The following DNAH7 variants were observed in gnomAD, a reference collection of about 807,000 sequenced individuals.
DNAH7 encodes the protein dynein axonemal heavy chain 7.
Under a neutral mutation model 444.6 loss-of-function variants are expected in DNAH7, and 397 were observed. The ratio of observed to expected loss-of-function variants is 0.89; its 90% CI spans 0.82 to 0.97. The LOEUF is 0.97. Among genes scored for constraint, DNAH7 ranks in the 50% least tolerant of loss-of-function variants. DNAH7 has a pLI of 0.00. For synonymous variants in DNAH7, 1,636 were observed against 1,624.4 expected, an observed-to-expected ratio of 1.01 and a Z score of -0.17; for missense variants, 4,902 against 4,800.8, an observed-to-expected ratio of 1.02 and a Z score of -0.62.
chr2:195,740,073 T>C (rs1574340059), intron 64 of DNAH7, among the ~76,000 whole-genome samples: 1 of 152,272 alleles, frequency 6.6e-6, no homozygotes, highest in African/African-American at 2.4e-5. Context: ...AACCTCCACC[T>C]CCCAGGTTCA....
chr2:195,909,227 T>A (rs2125300960), intron 25 of DNAH7, among the ~76,000 whole-genome samples: 1 of 152,204 alleles, frequency 6.6e-6, no homozygotes, highest in African/African-American at 2.4e-5. Flanking sequence ...CCTGTACCCC[T>A]GGAACCTAAA....
chr2:195,808,821 G>C lies in DNAH7; in HGVS notation c.9944C>G (p.Pro3315Arg), dbSNP rs762635267. 5 of 1,613,942 alleles carry C rather than the reference G, an allele frequency of 3.1e-6. No homozygotes were observed. ...AAGCCATGTACAAAGGTTGGCATAAGGATTATCCAGTCCAATGCCACCAGT... is the reference window on the plus strand; with the variant it reads ...AAGCCATGTACAAAGGTTGGCATAACGATTATCCAGTCCAATGCCACCAGT... Reference protein sequence around the residue: ...LLTGGIGLDNPYANLCTWLPQ... With the variant: ...LLTGGIGLDNRYANLCTWLPQ... Residue 3315 changes from proline to arginine, a missense_variant, in exon 53 of 65, where the codon CCT becomes CGT. Physicochemically the swap from Pro to Arg is moderately radical, Grantham distance 103. Transcript: ENST00000312428.
chr2:195,836,229 T>C (rs1457701166), intron 47 of DNAH7, among the ~76,000 whole-genome samples: 1 of 152,168 alleles, frequency 6.6e-6, no homozygotes, highest in African/African-American at 2.4e-5. Context: ...AAAGGACCTA[T>C]GTTCAGGGCC....
At chr2:195,939,077 A>C (rs1689248878) in intron 19 of DNAH7, among the ~76,000 whole-genome samples, 3 of 152,110 alleles carry the variant, frequency 2.0e-5, no homozygotes, top group African/African-American at 7.2e-5. Flanking sequence ...GCCCTCTCTC[A>C]AAATCGGTAT....
chr2:195,856,519 T>C (rs1437364035), intron 44 of DNAH7, among the ~76,000 whole-genome samples: 1 of 152,182 alleles, frequency 6.6e-6, no homozygotes, highest in Admixed American at 6.5e-5. Flanking sequence ...AAATTAATCA[T>C]TAACTAATAT....
At chr2:196,004,541 G>C (rs1694241748) in intron 10 of DNAH7, among the ~76,000 whole-genome samples, 1 of 152,106 alleles carries the variant, frequency 6.6e-6, no homozygotes, top group Non-Finnish European at 1.5e-5. Flanking sequence ...GAAATCATAA[G>C]GGAAATTAGA....
At chr2:195,974,026 G>A (rs2125583726) in intron 15 of DNAH7, among the ~76,000 whole-genome samples, 1 of 152,206 alleles carries the variant, frequency 6.6e-6, no homozygotes, top group East Asian at 1.9e-4. Flanking sequence ...GCACTGAGCT[G>A]AGATCACATC....
chr2:195,747,223 C>G (rs1359635006), intron 63 of DNAH7, among the ~76,000 whole-genome samples: 1 of 152,302 alleles, frequency 6.6e-6, no homozygotes, highest in East Asian at 1.9e-4. Flanking sequence ...ACAAACACCT[C>G]TACGCAAATA....
rs141330107 is a variant in DNAH7, at chr2:195,948,244, C to T, written c.3078+9017G>A. ...AATTTTCTCCCATTCTGTAGACTGC[C>T]TGTTTACTCTGATGATAGTTTATTT... On this transcript the variant is annotated intron_variant, in intron 19 of 64. Coordinates refer to ENST00000312428, the MANE Select transcript of DNAH7 (RefSeq NM_018897.3). Among the ~76,000 whole-genome samples, 66 of 152,218 alleles carry T rather than the reference C, an allele frequency of 4.3e-4. 1 individual carries two copies. The East Asian group carries it at 0.013, about 29-fold the overall frequency.
At chr2:195,924,684 C>T (rs766432098) in intron 22 of DNAH7, among the ~76,000 whole-genome samples, 21 of 6,498 alleles carry the variant, frequency 3.2e-3, no homozygotes, top group Non-Finnish European at 4.3e-3. Context: ...TGTTTAGATC[C>T]TATGAGTCCC....
At chr2:195,758,591 G>A (rs1385680321) in intron 61 of DNAH7, among the ~76,000 whole-genome samples, 1 of 152,302 alleles carries the variant, frequency 6.6e-6, no homozygotes, top group Non-Finnish European at 1.5e-5. Flanking sequence ...AAAATCAGGT[G>A]AATGACCACA....
At chr2:195,971,037 T>G (rs912308871) in intron 16 of DNAH7, among the ~76,000 whole-genome samples, 2 of 152,214 alleles carry the variant, frequency 1.3e-5, no homozygotes, top group African/African-American at 4.8e-5. Context: ...CTACTCATGA[T>G]GTTTTCTGCA....
intron 3 of DNAH7, among the ~76,000 whole-genome samples, chr2:196,048,904 TAGGTTCCTGGCACTC>T (rs1251607697): frequency 1.3e-5 from 2 of 152,138 alleles, no homozygotes; most frequent in Non-Finnish European, 2.9e-5. Context: ...CTAATGATGA[TAGGTTCCTGGCACTC>T]AGGCTCCATG....
At chr2:196,002,197 T>C (rs1431515178) in intron 10 of DNAH7, among the ~76,000 whole-genome samples, 1 of 152,210 alleles carries the variant, frequency 6.6e-6, no homozygotes, top group Non-Finnish European at 1.5e-5. Flanking sequence ...AAATATTATC[T>C]AGGGAATATA....
chr2:195,804,638 G>A (rs1696623722), intron 54 of DNAH7, among the ~76,000 whole-genome samples: 1 of 152,190 alleles, frequency 6.6e-6, no homozygotes, highest in African/African-American at 2.4e-5. Context: ...TGCTTAAATA[G>A]CAGCAATATG....
intron 58 of DNAH7, among the ~76,000 whole-genome samples, chr2:195,785,723 T>A (rs1180639451): frequency 6.6e-6 from 1 of 152,144 alleles, no homozygotes; most frequent in Non-Finnish European, 1.5e-5. Flanking sequence ...ATTTGTAATG[T>A]TAAACCAGTC....
chr2:195,842,247 T>A (rs978383259), intron 47 of DNAH7, among the ~76,000 whole-genome samples: 1 of 152,102 alleles, frequency 6.6e-6, no homozygotes, highest in African/African-American at 2.4e-5. Context: ...TCTTTGAAAT[T>A]CTAATTAGCC....
intron 27 of DNAH7, chr2:195,900,937 T>C (rs1686665527): frequency 6.6e-6 from 1 of 152,396 alleles, no homozygotes; most frequent in Admixed American, 6.5e-5. Flanking sequence ...TTATTGTATG[T>C]CATTAAGAAT....
intron 36 of DNAH7, 143 bp downstream of exon 36, chr2:195,881,652 A>G (rs994435526): frequency 7.8e-6 from 6 of 771,724 alleles, no homozygotes; most frequent in African/African-American, 2.4e-5. Flanking sequence ...ACAAAAAAAA[A>G]TAAGTGGCAA....
Sources: allele counts gnomAD v4.1 joint callset (sites outside exome capture counted in the v4.1 genomes callset), GRCh38; gene constraint gnomAD v4.1.1; transcripts MANE v1.5; gene names NCBI Gene and HGNC (gene_info 2026-07-23, HGNC 2026-07-21).